Variants in PSEN1 observed in about 807,000 individuals in gnomAD.
PSEN1 encodes the protein presenilin-1.
PSEN1 carries 15 observed loss-of-function variants against 53.5 expected under a neutral mutation model. The observed-to-expected ratio is 0.28, with a 90% CI of 0.19 to 0.43. PSEN1 has a LOEUF of 0.43. PSEN1 is among the 20% of genes least tolerant of loss of function. The pLI, the probability that PSEN1 is intolerant of heterozygous loss-of-function variation, is 1.00. For missense variants in PSEN1, 387 were observed against 571.2 expected (o/e 0.68, Z 3.29); for synonymous variants, 208 against 209.8 (o/e 0.99, Z 0.08).
intron 3 of PSEN1, among the ~76,000 whole-genome samples, chr14:73,157,228 C>T (rs1260338319): frequency 6.6e-6 from 1 of 151,432 alleles, no homozygotes; most frequent in Non-Finnish European, 1.5e-5. Flanking sequence ...TGGGTTCAAG[C>T]GATTCTCCTG....
At chr14:73,180,396 C>T (rs1340476658) in intron 5 of PSEN1, among the ~76,000 whole-genome samples, 3 of 152,160 alleles carry the variant, frequency 2.0e-5, no homozygotes, top group Admixed American at 2.0e-4. Context: ...CACACACAAA[C>T]AATTATATAG....
At chr14:73,177,542 G>GTAAT (rs1261809138) in intron 5 of PSEN1, among the ~76,000 whole-genome samples, 1 of 152,152 alleles carries the variant, frequency 6.6e-6, no homozygotes, top group Non-Finnish European at 1.5e-5. Context: ...TCTTCCTTTA[G>GTAAT]TAATGCTTTT....
intron 11 of PSEN1, among the ~76,000 whole-genome samples, chr14:73,217,596 G>A (rs1350578715): frequency 6.6e-6 from 1 of 152,160 alleles, no homozygotes; most frequent in East Asian, 1.9e-4. Context: ...GTCTTACAGG[G>A]ATAAACAGAT....
chr14:73,146,729 AGAGTATCCT>A (rs1897081564), intron 1 of PSEN1, among the ~76,000 whole-genome samples: 1 of 152,356 alleles, frequency 6.6e-6, no homozygotes, highest in African/African-American at 2.4e-5. Flanking sequence ...TTTAGAGGAA[AGAGTATCCT>A]GATGTTAAAA....
At chr14:73,144,035 C>CTTTT (rs766901431) in intron 1 of PSEN1, among the ~76,000 whole-genome samples, 2 of 59,484 alleles carry the variant, frequency 3.4e-5, no homozygotes, top group African/African-American at 6.6e-5. Context: ...TATAGCTTAT[C>CTTTT]TTTTTTTTTT....
At chr14:73,187,015 T>G in intron 6 of PSEN1, 95 bp downstream of exon 6, 1 of 1,025,598 alleles carries the variant, frequency 9.8e-7, no homozygotes, top group East Asian at 2.4e-5. Flanking sequence ...GATGAATTAC[T>G]CTGAAGTTTT....
chr14:73,178,013 G>A (rs983039370), intron 5 of PSEN1, among the ~76,000 whole-genome samples: 1 of 151,154 alleles, frequency 6.6e-6, no homozygotes, highest in African/African-American at 2.4e-5. Context: ...CTGCCTTCCC[G>A]GTTCAAGTGA....
Position 73,172,243 on chromosome 14 carries a change from G to A in PSEN1, c.338+1196G>A, listed in dbSNP as rs17125150. 3.0e-3 allele frequency among the ~76,000 whole-genome samples: 464 copies of A among 152,280 alleles called. 18 individuals are homozygous for A. The East Asian group carries it at 0.085, about 28-fold the overall frequency. ...GTTCCATCTCTACGACTCTCATGGGGTCCAAAGAAGAGTTTTAATTGAGTT... is the reference window on the plus strand; with the variant it reads ...GTTCCATCTCTACGACTCTCATGGGATCCAAAGAAGAGTTTTAATTGAGTT... On this transcript the variant is annotated intron_variant, in intron 4 of 11. Transcript: ENST00000324501.
chr14:73,199,358 G>A (rs576843157), intron 8 of PSEN1, among the ~76,000 whole-genome samples: 1 of 152,308 alleles, frequency 6.6e-6, no homozygotes, highest in African/African-American at 2.4e-5. Context: ...TAGAGAATGA[G>A]ACAAGAGAGG....
At position 73,220,171 on chromosome 14, in the gene PSEN1, C is replaced by G. The variant is rs1217899780; in HGVS notation, c.*882C>G. ...TACGCTCACTTGCCCCAGATGCCTC[C>G]TCTGTCCTCATTCTTCTCTCCCACA... On this transcript the variant is annotated 3_prime_UTR_variant, in exon 12 of 12. Coordinates refer to ENST00000324501, the MANE Select transcript of PSEN1 (RefSeq NM_000021.4). The G allele has an allele frequency of 1.3e-5, 2 of 152,236 alleles. No homozygotes were observed. The highest frequency in any genetic ancestry group is 2.4e-5 in the African/African-American group (1 of 41,452). The allele number at this position is 152,236 out of a possible 1,614,324, so 9.4% of individuals were successfully genotyped here. A position where few individuals can be genotyped will look rare whatever the true frequency, so the allele number is the denominator to read the frequency against.
At chr14:73,156,286 G>T (rs944910606) in intron 3 of PSEN1, among the ~76,000 whole-genome samples, 1 of 151,972 alleles carries the variant, frequency 6.6e-6, no homozygotes, top group Admixed American at 6.6e-5. Context: ...AGCCTGTGAA[G>T]TGGAAGTTGC....
At chr14:73,217,302 C>T in intron 11 of PSEN1, 58 bp downstream of exon 11, 1 of 1,597,568 alleles carries the variant, frequency 6.3e-7, no homozygotes, top group South Asian at 1.1e-5. Context: ...TTTGATTACA[C>T]AGTCCCTTTA....
At chr14:73,142,233 A>G (rs980870855) in intron 1 of PSEN1, among the ~76,000 whole-genome samples, 7 of 152,208 alleles carry the variant, frequency 4.6e-5, no homozygotes, top group Non-Finnish European at 5.9e-5. Context: ...CCGCCTGTCC[A>G]GGGAGAAGCT....
At chr14:73,190,349 C>T (rs986598589) in intron 6 of PSEN1, among the ~76,000 whole-genome samples, 17 of 151,660 alleles carry the variant, frequency 1.1e-4, no homozygotes, top group Non-Finnish European at 1.5e-4. Flanking sequence ...CTTAGCCAGG[C>T]GTGGTGGTGC....
At chr14:73,137,897 G>A (rs1301412592) in intron 1 of PSEN1, among the ~76,000 whole-genome samples, 1 of 151,928 alleles carries the variant, frequency 6.6e-6, no homozygotes, top group Non-Finnish European at 1.5e-5. Flanking sequence ...ACAACACGGC[G>A]AAACCCCGGC....
intron 7 of PSEN1, 95 bp downstream of exon 7, chr14:73,192,959 A>G: frequency 1.1e-6 from 1 of 945,028 alleles, no homozygotes; most frequent in Non-Finnish European, 1.7e-6. Flanking sequence ...AGAAAATGGT[A>G]ACGTGTACAT....
chr14:73,176,993 C>G (rs1344237848), intron 5 of PSEN1, among the ~76,000 whole-genome samples: 1 of 151,436 alleles, frequency 6.6e-6, no homozygotes, highest in Non-Finnish European at 1.5e-5. Flanking sequence ...GTCGTATCTG[C>G]TGACCTTTTT....
At chr14:73,208,879 C>G (rs1177436563) in intron 9 of PSEN1, 5 of 455,094 alleles carry the variant, frequency 1.1e-5, no homozygotes, top group East Asian at 1.4e-4. Context: ...CCATGGCACC[C>G]AGGCTGTTCA....
Position 73,198,914 on chromosome 14 carries a change from C to T in PSEN1, c.868+785C>T, listed in dbSNP as rs143763464. Among the ~76,000 whole-genome samples the T allele has an allele frequency of 2.4e-3, 361 of 152,266 alleles. 2 individuals are homozygous for T. The highest frequency in any genetic ancestry group is 0.011 in the South Asian group (51 of 4,830). On this transcript the variant is annotated intron_variant, in intron 8 of 11. Coordinates refer to ENST00000324501, the MANE Select transcript of PSEN1 (RefSeq NM_000021.4). ...TCAGCCTCCCGAGTAGCTGTGACTA[C>T]AGGCACGCACTACCAGGCCTGGCTA...
Sources: allele counts gnomAD v4.1 joint callset (sites outside exome capture counted in the v4.1 genomes callset), GRCh38; gene constraint gnomAD v4.1.1; transcripts MANE v1.5; gene names NCBI Gene and HGNC (gene_info 2026-07-23, HGNC 2026-07-21).